Variants in SLC9C1 observed in about 807,000 individuals in gnomAD.
SLC9C1 encodes the protein solute carrier family 9 member C1.
In SLC9C1, 97 loss-of-function variants were observed where a neutral mutation model predicts 140.9. The ratio of observed to expected loss-of-function variants is 0.69; its 90% CI spans 0.58 to 0.82. The LOEUF is 0.82. SLC9C1 is among the 40% of genes least tolerant of loss of function. The pLI, the probability that SLC9C1 is intolerant of heterozygous loss-of-function variation, is 0.00. For missense variants in SLC9C1, 1,340 were observed against 1,389.3 expected, an observed-to-expected ratio of 0.96 and a Z score of 0.56; for synonymous variants, 440 against 442.6, an observed-to-expected ratio of 0.99 and a Z score of 0.07.
At chr3:112,143,920 A>AG (rs2074707187) in intron 28 of SLC9C1, among the ~76,000 whole-genome samples, 1 of 152,072 alleles carries the variant, frequency 6.6e-6, no homozygotes, top group African/African-American at 2.4e-5. Context: ...ATATGGTGAA[A>AG]GGTAGGGGAA....
chr3:112,254,122 C>T (rs1353511645), intron 10 of SLC9C1, among the ~76,000 whole-genome samples: 1 of 151,988 alleles, frequency 6.6e-6, no homozygotes, highest in African/African-American at 2.4e-5. Context: ...TATTGGCATC[C>T]CTGCAAGGAA....
rs1324036173 is a variant in SLC9C1, at chr3:112,181,575, A to G, written c.2649+558T>C. ...TCAAAAGGTAGATGAGATAAAAAAT[A>G]TAGTAGGAGGGAGACCTAAAGATAA... On this transcript the variant is annotated intron_variant, in intron 21 of 28. Coordinates refer to ENST00000305815, the MANE Select transcript of SLC9C1 (RefSeq NM_183061.3). Among the ~76,000 whole-genome samples, 8 of 152,358 alleles carry G rather than the reference A, an allele frequency of 5.3e-5. No individual in the cohort carries two copies. In the East Asian group the frequency reaches 1.5e-3, roughly 29 times the overall value.
chr3:112,237,431 T>C (rs541144940), intron 12 of SLC9C1, among the ~76,000 whole-genome samples: 1 of 152,360 alleles, frequency 6.6e-6, no homozygotes, highest in East Asian at 1.9e-4. Flanking sequence ...CTGTGTCTTT[T>C]AATTGGAGCA....
At chr3:112,235,894 C>T (rs564842168) in intron 12 of SLC9C1, among the ~76,000 whole-genome samples, 77 of 152,170 alleles carry the variant, frequency 5.1e-4, no homozygotes, top group Non-Finnish European at 9.0e-4. Context: ...AGGATTTTTG[C>T]ATCAATGTTC....
chr3:112,264,335 GT>G lies in SLC9C1; in HGVS notation c.886del (p.Thr296LeufsTer18). The G allele has an allele frequency of 6.9e-7, 1 of 1,453,254 alleles. No individual in the cohort carries two copies. The highest frequency in any genetic ancestry group is 9.1e-7 in the Non-Finnish European group (1 of 1,103,352). 90.0% of individuals were successfully genotyped at this position (1,453,254 alleles called of 1,614,324 possible). On this transcript the variant is annotated frameshift_variant, in exon 9 of 29. Coordinates refer to ENST00000305815, the MANE Select transcript of SLC9C1 (RefSeq NM_183061.3). LOFTEE classifies it high-confidence loss of function. ...IEETLLLEFW[T>X]FLSRIAFLMV... Reference sequence around the variant, plus strand: ...GAGAAAAGCAATACGTGATAGAAAAGTCCAGAATCTGCATCATTCAGAAAAA... The same window carrying G: ...GAGAAAAGCAATACGTGATAGAAAAGCCAGAATCTGCATCATTCAGAAAAA...
intron 10 of SLC9C1, among the ~76,000 whole-genome samples, chr3:112,253,744 C>T (rs962496093): frequency 2.0e-5 from 3 of 152,192 alleles, no homozygotes; most frequent in Non-Finnish European, 2.9e-5. Context: ...AATGACCACA[C>T]TAGTTCTCCG....
At position 112,286,835 on chromosome 3, in the gene SLC9C1, C is replaced by G. The variant is rs755103978; in HGVS notation, c.-44G>C. 3.0e-6 allele frequency: 4 copies of G among 1,350,000 alleles called. No individual in the cohort carries two copies. Among genetic ancestry groups the G allele is most frequent in the East Asian group, 4.7e-5 (2 of 42,462 alleles). 83.6% of individuals were successfully genotyped at this position (1,350,000 alleles called of 1,614,324 possible). A position where few individuals can be genotyped will look rare whatever the true frequency, so the allele number is the denominator to read the frequency against. ...TGCAGATTTATGTTAGAAGCAATCT[C>G]CATATGATCATCCATCTTGTTGTTT... is the stretch of plus-strand genomic sequence containing the variant. On this transcript the variant is annotated 5_prime_UTR_variant, in exon 2 of 29. Transcript: ENST00000305815.
At chr3:112,240,132 T>G in intron 11 of SLC9C1, 126 bp from the exon 12 acceptor site, 1 of 879,938 alleles carries the variant, frequency 1.1e-6, no homozygotes, top group South Asian at 2.0e-5. Flanking sequence ...ATAAACTGTT[T>G]AATAATGGGA....
rs199526927 is a variant in SLC9C1, at chr3:112,180,629, T to C, written c.2683A>G (p.Asn895Asp). The C allele has an allele frequency of 1.3e-5, 21 of 1,613,504 alleles. No homozygotes were observed. The highest frequency in any genetic ancestry group is 1.4e-5 in the Non-Finnish European group (17 of 1,179,796). Residue 895 changes from asparagine (N) to aspartate (D), a missense_variant, in exon 22 of 29, where the codon AAT becomes GAT. Physicochemically the swap from Asn to Asp is conservative, Grantham distance 23. Coordinates refer to ENST00000305815, the MANE Select transcript of SLC9C1 (RefSeq NM_183061.3). ...KAKVVTFDCG[N>D]DIFEEGDEPK... ...TCATCACCTTCTTCAAATATATCAT[T>C]TCCACAATCAAATGTTACAACTTTG... is the stretch of plus-strand genomic sequence containing the variant.
Position 112,268,033 on chromosome 3 carries a change from A to G in SLC9C1, c.776-1693T>C, listed in dbSNP as rs145534064. On this transcript the variant is annotated intron_variant, in intron 7 of 28. Coordinates refer to ENST00000305815, the MANE Select transcript of SLC9C1 (RefSeq NM_183061.3). Reference sequence around the variant, plus strand: ...ATTCTGTCTTGGCAGGTTTCTTCCTAAAATGTTTATTGAGACATCTCGACT... The same window carrying G: ...ATTCTGTCTTGGCAGGTTTCTTCCTGAAATGTTTATTGAGACATCTCGACT... Among the ~76,000 whole-genome samples, 554 of 152,330 alleles carry G rather than the reference A, an allele frequency of 3.6e-3. 3 individuals carry two copies. Among genetic ancestry groups the G allele is most frequent in the African/African-American group, 0.012 (513 of 41,572 alleles).
At chr3:112,254,615 T>A (rs1420081522) in intron 10 of SLC9C1, among the ~76,000 whole-genome samples, 1 of 152,018 alleles carries the variant, frequency 6.6e-6, no homozygotes, top group Non-Finnish European at 1.5e-5. Flanking sequence ...AAAGGAAAGA[T>A]CACTGACAGC....
chr3:112,237,068 T>C (rs1020325308), intron 12 of SLC9C1, among the ~76,000 whole-genome samples: 1 of 152,208 alleles, frequency 6.6e-6, no homozygotes, highest in African/African-American at 2.4e-5. Flanking sequence ...AGTGGGGTGT[T>C]AATTTCTCCC....
intron 28 of SLC9C1, among the ~76,000 whole-genome samples, chr3:112,144,469 T>C (rs1179156709): frequency 1.3e-5 from 2 of 152,140 alleles, no homozygotes; most frequent in Non-Finnish European, 2.9e-5. Flanking sequence ...CCATTTTTTT[T>C]CTAATTCTGT....
At chr3:112,255,328 A>G (rs2079575063) in intron 10 of SLC9C1, among the ~76,000 whole-genome samples, 1 of 152,106 alleles carries the variant, frequency 6.6e-6, no homozygotes, top group Non-Finnish European at 1.5e-5. Context: ...CAACCACACA[A>G]TCAAACGTAA....
At chr3:112,148,093 G>A (rs1001940327) in intron 28 of SLC9C1, among the ~76,000 whole-genome samples, 2 of 152,014 alleles carry the variant, frequency 1.3e-5, no homozygotes, top group African/African-American at 4.8e-5. Flanking sequence ...AATTTTTTTA[G>A]GTGAGTTTTC....
At chr3:112,199,217 C>A (rs1287075347) in intron 20 of SLC9C1, 104 bp downstream of exon 20, 7 of 909,204 alleles carry the variant, frequency 7.7e-6, no homozygotes, top group Non-Finnish European at 1.1e-5. Context: ...GTGAGATTTT[C>A]CTATCTTAGA....
intron 12 of SLC9C1, among the ~76,000 whole-genome samples, chr3:112,234,357 A>T (rs531189760): frequency 1.3e-5 from 2 of 152,186 alleles, no homozygotes; most frequent in African/African-American, 2.4e-5. Flanking sequence ...CTTTGAGTTC[A>T]TTGTAGATTC....
At chr3:112,144,575 A>G (rs1446620239) in intron 28 of SLC9C1, among the ~76,000 whole-genome samples, 1 of 152,204 alleles carries the variant, frequency 6.6e-6, no homozygotes, top group Non-Finnish European at 1.5e-5. Flanking sequence ...CTTCTAATCC[A>G]CAAGCATGGA....
intron 28 of SLC9C1, among the ~76,000 whole-genome samples, chr3:112,150,508 G>A (rs1356969797): frequency 6.6e-6 from 1 of 151,952 alleles, no homozygotes. Context: ...GGGATCTGGG[G>A]TGTCCCTCAT....
Sources: gnomAD v4.1 joint callset for allele counts (sites outside exome capture counted in the v4.1 genomes callset) on GRCh38, gnomAD v4.1.1 for gene constraint, MANE v1.5 for transcripts, NCBI Gene and HGNC (gene_info 2026-07-23, HGNC 2026-07-21) for gene names.